Variants in SDK1 observed in about 807,000 individuals in gnomAD.
The protein encoded by SDK1 is protein sidekick-1.
A neutral mutation model predicts 245.5 loss-of-function variants in SDK1; 157 were observed. The observed-to-expected ratio is 0.64, with a 90% CI of 0.56 to 0.73. The LOEUF (loss-of-function observed/expected upper bound fraction) is 0.73. SDK1 is among the 30% of genes least tolerant of loss of function. The pLI is 0.00. For missense variants in SDK1, 3,583 were observed against 3,002.3 expected (o/e 1.19, Z -4.52); for synonymous variants, 1,647 against 1,278.5 (o/e 1.29, Z -6.15).
intron 43 of SDK1, among the ~76,000 whole-genome samples, chr7:4,242,510 C>T (rs1466023479): frequency 6.6e-6 from 1 of 152,070 alleles, no homozygotes; most frequent in Admixed American, 6.5e-5. Context: ...TTTTGATGTG[C>T]AGAGCGCCAT....
chr7:3,838,529 C>G (rs746998762), intron 5 of SDK1, among the ~76,000 whole-genome samples: 2 of 152,250 alleles, frequency 1.3e-5, no homozygotes, highest in African/African-American at 4.8e-5. Context: ...CACAGACTTG[C>G]AGCTCACCTG....
At chr7:3,867,242 A>T (rs533182866) in intron 5 of SDK1, among the ~76,000 whole-genome samples, 41 of 152,210 alleles carry the variant, frequency 2.7e-4, no homozygotes, top group Non-Finnish European at 4.9e-4. Flanking sequence ...AAAGAAAAAA[A>T]TAGGCCCCTA....
chr7:4,028,566 A>G (rs545960451), intron 17 of SDK1, among the ~76,000 whole-genome samples: 51 of 152,348 alleles, frequency 3.3e-4, no homozygotes, highest in African/African-American at 1.1e-3. Flanking sequence ...TGTCTACATA[A>G]GAGGACTGAG....
intron 5 of SDK1, among the ~76,000 whole-genome samples, chr7:3,903,435 C>T (rs926342576): frequency 1.8e-4 from 27 of 152,176 alleles, no homozygotes; most frequent in East Asian, 5.8e-4. Context: ...CACGAGCCAC[C>T]GCGCCCGGCC....
chr7:3,815,120 A>G (rs150599144), intron 4 of SDK1, among the ~76,000 whole-genome samples: 5,060 of 87,942 alleles, frequency 0.058, 106 homozygotes, highest in African/African-American at 0.15. Flanking sequence ...TCTCCTGCCT[A>G]ATTGCCCTGG....
At chr7:4,232,705 C>A (rs1036945486) in intron 40 of SDK1, among the ~76,000 whole-genome samples, 1 of 152,094 alleles carries the variant, frequency 6.6e-6, no homozygotes, top group Admixed American at 6.5e-5. Context: ...TCAAGCAGTC[C>A]TGTAACCGCA....
chr7:3,933,301 CAG>C (rs1780046092), intron 5 of SDK1, among the ~76,000 whole-genome samples: 1 of 152,078 alleles, frequency 6.6e-6, no homozygotes, highest in East Asian at 1.9e-4. Flanking sequence ...TTTCTAGATA[CAG>C]AGTTTTACCA....
At chr7:3,800,543 G>C (rs895197415) in intron 4 of SDK1, among the ~76,000 whole-genome samples, 4 of 151,846 alleles carry the variant, frequency 2.6e-5, no homozygotes, top group Non-Finnish European at 4.4e-5. Context: ...CACCACACCC[G>C]GCTAATTTTT....
chr7:3,642,057 A>T lies in SDK1; in HGVS notation c.665A>T (p.Gln222Leu). The T allele has an allele frequency of 6.2e-7, 1 of 1,613,212 alleles. No homozygotes were observed. Among genetic ancestry groups the T allele is most frequent in the Non-Finnish European group, 8.5e-7 (1 of 1,179,132 alleles). ...CCCATCACCAGCTACCCCAGACCTC[A>T]AGTGACTTGGTTTAGAGAAGGGCAC... ...LLPITSYPRP[Q>L]VTWFREGHKI... The change falls in exon 4 of 45, where the codon CAA (glutamine) becomes CTA (leucine). Residue 222 changes from glutamine (Q) to leucine (L), a missense_variant. Coordinates refer to ENST00000404826, the MANE Select transcript of SDK1 (RefSeq NM_152744.4).
chr7:4,026,640 C>G lies in SDK1; in HGVS notation c.2602+9288C>G, dbSNP rs1457441760. On this transcript the variant is annotated intron_variant, in intron 17 of 44. Coordinates refer to ENST00000404826, the MANE Select transcript of SDK1 (RefSeq NM_152744.4). The surrounding 1 kb of genome is among the most constrained non-coding windows in gnomAD (Gnocchi z 4.1). ...AACTTTTTAAGTGTTAAAGTATTTT[C>G]TTCTGAAGGCCATCAGAAAAGAAAC... 6.6e-6 allele frequency among the ~76,000 whole-genome samples: 1 copy of G among 152,182 alleles called. No homozygotes were observed.
At chr7:3,956,647 G>A (rs1781286232) in intron 7 of SDK1, among the ~76,000 whole-genome samples, 1 of 152,220 alleles carries the variant, frequency 6.6e-6, no homozygotes, top group Admixed American at 6.5e-5. Flanking sequence ...TGCAGGCGGT[G>A]GCAGGCTGCC....
intron 23 of SDK1, among the ~76,000 whole-genome samples, chr7:4,111,092 C>T (rs1432897356): frequency 6.6e-6 from 1 of 152,138 alleles, no homozygotes; most frequent in Non-Finnish European, 1.5e-5. Flanking sequence ...GGCACTTTAC[C>T]AAACTCCACA....
intron 5 of SDK1, among the ~76,000 whole-genome samples, chr7:3,831,544 G>A (rs1351136388): frequency 2.0e-5 from 3 of 152,082 alleles, no homozygotes; most frequent in South Asian, 4.1e-4. Flanking sequence ...TTCAAAGGGA[G>A]CACCTAGAGT....
chr7:3,618,841 G>A (rs1214871632), intron 1 of SDK1, among the ~76,000 whole-genome samples: 2 of 152,184 alleles, frequency 1.3e-5, no homozygotes, highest in African/African-American at 2.4e-5. Context: ...TAACTTGGAT[G>A]AACCTGTCAG....
intron 34 of SDK1, among the ~76,000 whole-genome samples, chr7:4,177,270 A>G (rs1290009461): frequency 6.6e-6 from 1 of 152,222 alleles, no homozygotes; most frequent in Non-Finnish European, 1.5e-5. Context: ...ACCACCATCC[A>G]CACCAGCACA....
intron 5 of SDK1, among the ~76,000 whole-genome samples, chr7:3,948,964 C>G (rs955510996): frequency 6.6e-6 from 1 of 152,244 alleles, no homozygotes; most frequent in Non-Finnish European, 1.5e-5. Flanking sequence ...CCGGCCGTTT[C>G]TCCTCATCAG....
intron 5 of SDK1, among the ~76,000 whole-genome samples, chr7:3,886,974 G>A (rs1413127822): frequency 6.6e-6 from 1 of 152,182 alleles, no homozygotes; most frequent in African/African-American, 2.4e-5. Context: ...TTATGTTGCA[G>A]CCTACTCTGA....
At chr7:3,466,967 CCT>C (rs1554275623) in intron 1 of SDK1, among the ~76,000 whole-genome samples, 1 of 136,352 alleles carries the variant, frequency 7.3e-6, no homozygotes. Flanking sequence ...AAATCTCTCT[CCT>C]CTCTCTCTCT....
At chr7:4,227,916 C>T (rs1170037643) in intron 40 of SDK1, among the ~76,000 whole-genome samples, 2 of 152,224 alleles carry the variant, frequency 1.3e-5, no homozygotes, top group Non-Finnish European at 2.9e-5. Flanking sequence ...AAGCTAACAG[C>T]TGACTCATTC....
Sources: allele counts gnomAD v4.1 joint callset (sites outside exome capture counted in the v4.1 genomes callset), GRCh38; gene constraint gnomAD v4.1.1; non-coding constraint Gnocchi (gnomAD v3.1); transcripts MANE v1.5; gene names NCBI Gene and HGNC (gene_info 2026-07-23, HGNC 2026-07-21).